The following ARHGEF7 variants were observed in gnomAD, a reference collection of about 807,000 sequenced individuals.
ARHGEF7 encodes PAK-interacting exchange factor beta.
Under a neutral mutation model 109.8 loss-of-function variants are expected in ARHGEF7, and 33 were observed. The ratio of observed to expected loss-of-function variants is 0.30; its 90% CI spans 0.23 to 0.40. The LOEUF is 0.40. ARHGEF7 is among the 10% of genes least tolerant of loss of function. ARHGEF7 has a pLI of 1.00. For missense variants in ARHGEF7, 938 were observed against 1,098.5 expected (o/e 0.85, Z 2.07); for synonymous variants, 458 against 424.6 (o/e 1.08, Z -0.97).
rs747384335 is a variant in ARHGEF7, at chr13:111,275,765, GA to G, written c.1419+92del. On this transcript the variant is annotated intron_variant, in intron 12 of 21. Coordinates refer to ENST00000646102, the MANE Select transcript of ARHGEF7 (RefSeq NM_001354046.2). ...AGATTTTAAAGGCATCTCAAGCGAT[GA>G]AAAATGTCTAATAGAAGCTCTATCT... 15 of 1,517,114 alleles carry G rather than the reference GA, an allele frequency of 9.9e-6. No homozygotes were observed. In the East Asian group the frequency reaches 3.2e-4, roughly 32 times the overall value. The allele number at this position is 1,517,114 out of a possible 1,614,324, so 94.0% of individuals were successfully genotyped here.
chr13:111,282,854 G>A (rs2092842587), intron 15 of ARHGEF7: 1 of 525,522 alleles, frequency 1.9e-6, no homozygotes, highest in East Asian at 3.1e-5. Flanking sequence ...GCTAATAAAT[G>A]TGGCTAGTGG....
At chr13:111,242,813 G>A (rs1678530351) in intron 6 of ARHGEF7, among the ~76,000 whole-genome samples, 1 of 152,218 alleles carries the variant, frequency 6.6e-6, no homozygotes, top group African/African-American at 2.4e-5. Flanking sequence ...AAAGTTTTGT[G>A]TGCAGAGCCC....
chr13:111,204,505 T>A (rs1365480720), intron 2 of ARHGEF7, among the ~76,000 whole-genome samples: 1 of 152,238 alleles, frequency 6.6e-6, no homozygotes, highest in Non-Finnish European at 1.5e-5. Flanking sequence ...ATGAGAGCTC[T>A]GTTTGTTTTG....
At chr13:111,133,802 TA>T (rs1372858233) in intron 1 of ARHGEF7, among the ~76,000 whole-genome samples, 5 of 29,472 alleles carry the variant, frequency 1.7e-4, no homozygotes, top group Admixed American at 4.0e-4. Flanking sequence ...TATATATATA[TA>T]TATATATATA....
At chr13:111,164,471 G>A (rs1478226033) in intron 2 of ARHGEF7, among the ~76,000 whole-genome samples, 1 of 152,226 alleles carries the variant, frequency 6.6e-6, no homozygotes, top group Non-Finnish European at 1.5e-5. Context: ...GTGGGTGTGC[G>A]ACTAGTGTTG....
chr13:111,207,874 A>T (rs1309007221), intron 3 of ARHGEF7, among the ~76,000 whole-genome samples: 1 of 152,238 alleles, frequency 6.6e-6, no homozygotes, highest in African/African-American at 2.4e-5. Flanking sequence ...TGTTGGATGT[A>T]AAATAGATAG....
At chr13:111,167,196 T>TATA (rs2077199347) in intron 2 of ARHGEF7, among the ~76,000 whole-genome samples, 1 of 152,064 alleles carries the variant, frequency 6.6e-6, no homozygotes, top group South Asian at 2.1e-4. Context: ...CAAAAATAGG[T>TATA]TTGTGGTCAT....
intron 2 of ARHGEF7, chr13:111,182,354 C>G (rs2078833386): frequency 6.6e-6 from 1 of 152,606 alleles, no homozygotes; most frequent in Non-Finnish European, 1.5e-5. Flanking sequence ...TACAGTGGAC[C>G]TTCAAGCTGC....
intron 8 of ARHGEF7, among the ~76,000 whole-genome samples, chr13:111,249,061 C>T (rs1207258482): frequency 6.6e-6 from 1 of 152,146 alleles, no homozygotes; most frequent in Non-Finnish European, 1.5e-5. Context: ...CTTGCAAGTT[C>T]TGTTCTGCCG....
chr13:111,153,618 G>A (rs964133396), intron 1 of ARHGEF7: 43 of 1,178,346 alleles, frequency 3.6e-5, no homozygotes, highest in Non-Finnish European at 4.1e-5. Context: ...GTCCCGCGCG[G>A]GCCGGCGGGG....
chr13:111,130,588 A>G (rs1351406939), intron 1 of ARHGEF7, among the ~76,000 whole-genome samples: 3 of 152,238 alleles, frequency 2.0e-5, no homozygotes. Context: ...TCAAATCTTT[A>G]CTATGTTCCA....
chr13:111,172,167 A>G (rs1353798312), intron 2 of ARHGEF7, among the ~76,000 whole-genome samples: 1 of 152,216 alleles, frequency 6.6e-6, no homozygotes, highest in Admixed American at 6.5e-5. Context: ...CTTACAAGCC[A>G]GTAAGGGAGA....
intron 2 of ARHGEF7, chr13:111,182,328 A>T (rs2078829599): frequency 1.3e-5 from 2 of 152,586 alleles, no homozygotes; most frequent in African/African-American, 4.8e-5. Flanking sequence ...GTGCTGAGTT[A>T]CTGCCCCGTG....
intron 8 of ARHGEF7, among the ~76,000 whole-genome samples, chr13:111,260,246 C>T (rs2090941583): frequency 6.6e-6 from 1 of 152,148 alleles, no homozygotes; most frequent in Non-Finnish European, 1.5e-5. Flanking sequence ...TATCAATATT[C>T]AAGTACAAGA....
At chr13:111,230,068 C>T in intron 5 of ARHGEF7, among the ~76,000 whole-genome samples, 1 of 152,114 alleles carries the variant, frequency 6.6e-6, no homozygotes, top group Non-Finnish European at 1.5e-5. Flanking sequence ...GTCTCCCCTC[C>T]CCTAGTGAGA....
At chr13:111,157,665 T>C (rs1356604056) in intron 2 of ARHGEF7, among the ~76,000 whole-genome samples, 1 of 152,218 alleles carries the variant, frequency 6.6e-6, no homozygotes, top group African/African-American at 2.4e-5. Context: ...GATAGGACAT[T>C]TCTTTGCATT....
At chr13:111,302,555 G>A (rs1023056235) in intron 21 of ARHGEF7, among the ~76,000 whole-genome samples, 2 of 152,292 alleles carry the variant, frequency 1.3e-5, no homozygotes, top group South Asian at 4.1e-4. Context: ...TCCTACGTCC[G>A]AGACATGCCT....
chr13:111,229,783 T>C (rs1465659055), intron 5 of ARHGEF7, among the ~76,000 whole-genome samples: 1 of 152,194 alleles, frequency 6.6e-6, no homozygotes, highest in Non-Finnish European at 1.5e-5. Flanking sequence ...AGGCAGGTAC[T>C]GGTAGTCCTG....
At chr13:111,210,276 A>G (rs777812571) in intron 4 of ARHGEF7, among the ~76,000 whole-genome samples, 26 of 152,252 alleles carry the variant, frequency 1.7e-4, no homozygotes, top group Non-Finnish European at 3.5e-4. Context: ...GCTGCTTTAA[A>G]AAAACACACC....
Sources: allele counts gnomAD v4.1 joint callset (sites outside exome capture counted in the v4.1 genomes callset), GRCh38; gene constraint gnomAD v4.1.1; transcripts MANE v1.5; gene names NCBI Gene and HGNC (gene_info 2026-07-23, HGNC 2026-07-21).